The following GALNT13 variants were observed in gnomAD, a reference collection of about 807,000 sequenced individuals.
GALNT13 encodes UDP-GalNAc:polypeptide N-acetylgalactosaminyltransferase 13.
In GALNT13, 28 loss-of-function variants were observed where a neutral mutation model predicts 64.2. The ratio of observed to expected loss-of-function variants is 0.44; its 90% confidence interval spans 0.32 to 0.60. GALNT13 has a LOEUF of 0.60. GALNT13 is among the 20% of genes least tolerant of loss of function. GALNT13 has a pLI of 0.05. For synonymous variants in GALNT13, 214 were observed against 224.6 expected (o/e 0.95, Z 0.42); for missense variants, 577 against 669.8 (o/e 0.86, Z 1.53).
chr2:153,413,799 A>G, the GALNT13 span, among the ~76,000 whole-genome samples: 7 of 152,220 alleles, frequency 4.6e-5, no homozygotes, highest in Admixed American at 4.6e-4. Context: ...CATAACTTAT[A>G]TGTAAGTGCT....
chr2:153,204,539 C>T, the GALNT13 span, among the ~76,000 whole-genome samples: 1 of 152,154 alleles, frequency 6.6e-6, no homozygotes, highest in Non-Finnish European at 1.5e-5. Context: ...CTGTAACAGC[C>T]ACCAGGCCAC....
At chr2:153,647,574 T>A in the GALNT13 span, among the ~76,000 whole-genome samples, 1 of 152,242 alleles carries the variant, frequency 6.6e-6, no homozygotes, top group Admixed American at 6.5e-5. Flanking sequence ...GACTAGGTTT[T>A]CTTCTAGGGT....
At chr2:153,778,657 A>G in the GALNT13 span, among the ~76,000 whole-genome samples, 34 of 152,366 alleles carry the variant, frequency 2.2e-4, 1 homozygote, top group South Asian at 1.7e-3. Flanking sequence ...TGATCACATT[A>G]AAAGACTTTT....
chr2:153,991,794 T>A (rs6738032), intron 3 of GALNT13, among the ~76,000 whole-genome samples: 27,999 of 152,118 alleles, frequency 0.18, 4,771 homozygotes, highest in East Asian at 0.76. Flanking sequence ...TTAATTTTTT[T>A]AACATCTATT....
the GALNT13 span, among the ~76,000 whole-genome samples, chr2:153,441,253 G>T: frequency 6.6e-6 from 1 of 152,122 alleles, no homozygotes; most frequent in Non-Finnish European, 1.5e-5. Context: ...AAAACAGATG[G>T]TTGTATATGT....
At chr2:153,409,156 G>T in the GALNT13 span, among the ~76,000 whole-genome samples, 1 of 151,904 alleles carries the variant, frequency 6.6e-6, no homozygotes, top group Non-Finnish European at 1.5e-5. Context: ...TACTTTTGAG[G>T]TGTTGGGACT....
chr2:154,247,573 G>A (rs1411593947), intron 7 of GALNT13, among the ~76,000 whole-genome samples: 5 of 151,920 alleles, frequency 3.3e-5, no homozygotes, highest in Admixed American at 3.3e-4. Context: ...CTAAGAGGTA[G>A]CCAGCATTCA....
chr2:154,362,454 C>T (rs899485260), intron 9 of GALNT13, among the ~76,000 whole-genome samples: 4 of 151,878 alleles, frequency 2.6e-5, no homozygotes, highest in Non-Finnish European at 4.4e-5. Context: ...CTTTTTCTCT[C>T]GGAGAATGTT....
chr2:154,295,398 C>G (rs904258557), intron 8 of GALNT13, among the ~76,000 whole-genome samples: 10 of 93,480 alleles, frequency 1.1e-4, no homozygotes, highest in Non-Finnish European at 1.7e-4. Context: ...GAGTCTCTCT[C>G]TGTCACCCAG....
chr2:154,047,747 A>T (rs1157783611), intron 3 of GALNT13, among the ~76,000 whole-genome samples: 1 of 152,120 alleles, frequency 6.6e-6, no homozygotes, highest in Non-Finnish European at 1.5e-5. Flanking sequence ...TGTGATATTA[A>T]CTTAAAGCAG....
At chr2:153,308,711 T>C in the GALNT13 span, among the ~76,000 whole-genome samples, 1 of 152,180 alleles carries the variant, frequency 6.6e-6, no homozygotes, top group Non-Finnish European at 1.5e-5. Context: ...ACAGAACTAA[T>C]GTTATGTTAG....
At chr2:153,235,637 T>A in the GALNT13 span, among the ~76,000 whole-genome samples, 1 of 152,276 alleles carries the variant, frequency 6.6e-6, no homozygotes, top group African/African-American at 2.4e-5. Context: ...TGCACTTGTG[T>A]GAATCTGGGG....
chr2:154,097,026 A>G (rs985454710), intron 3 of GALNT13, among the ~76,000 whole-genome samples: 6 of 152,080 alleles, frequency 3.9e-5, no homozygotes, highest in East Asian at 3.9e-4. Flanking sequence ...AAGTAAATAA[A>G]TAAATATTTT....
chr2:154,404,610 G>A (rs1238065842), intron 10 of GALNT13, among the ~76,000 whole-genome samples: 1 of 152,034 alleles, frequency 6.6e-6, no homozygotes, highest in Non-Finnish European at 1.5e-5. Flanking sequence ...GCTGAAAATG[G>A]GAGAAGTACT....
chr2:154,283,241 C>T (rs1297896170), intron 8 of GALNT13, among the ~76,000 whole-genome samples: 1 of 151,812 alleles, frequency 6.6e-6, no homozygotes, highest in Non-Finnish European at 1.5e-5. Context: ...TTGAAGCAAA[C>T]AGGAATATGG....
chr2:153,683,139 C>A, the GALNT13 span, among the ~76,000 whole-genome samples: 1 of 151,700 alleles, frequency 6.6e-6, no homozygotes, highest in Non-Finnish European at 1.5e-5. Context: ...TGGCACATAA[C>A]TAATGTTCGA....
chr2:153,391,732 GT>G, the GALNT13 span, among the ~76,000 whole-genome samples: 3 of 151,440 alleles, frequency 2.0e-5, no homozygotes, highest in Non-Finnish European at 2.9e-5. Flanking sequence ...TTCGAGAGGT[GT>G]TTTTTTTAGT....
the GALNT13 span, among the ~76,000 whole-genome samples, chr2:153,834,821 T>A: frequency 6.6e-6 from 1 of 151,994 alleles, no homozygotes; most frequent in African/African-American, 2.4e-5. Context: ...AAACATGAGG[T>A]GGAGTTGGAG....
chr2:154,008,898 G>A (rs1218837039), intron 3 of GALNT13, among the ~76,000 whole-genome samples: 6 of 152,168 alleles, frequency 3.9e-5, no homozygotes, highest in Admixed American at 3.9e-4. Flanking sequence ...GTGCTGAGAT[G>A]AATATACGAG....
Sources: gnomAD v4.1 joint callset for allele counts (sites outside exome capture counted in the v4.1 genomes callset) on GRCh38, gnomAD v4.1.1 for gene constraint, MANE v1.5 for transcripts, NCBI Gene and HGNC (gene_info 2026-07-23, HGNC 2026-07-21) for gene names.